PRR16: variants seen among roughly 807,000 people sequenced by gnomAD.
PRR16 encodes the protein protein Largen.
Under a neutral mutation model 18.2 loss-of-function variants are expected in PRR16, and 6 were observed. The ratio of observed to expected loss-of-function variants is 0.33; its 90% CI spans 0.18 to 0.65. The LOEUF (loss-of-function observed/expected upper bound fraction) is 0.65, where lower values mean the gene tolerates loss of function less well. Among genes scored for constraint, PRR16 ranks in the 30% least tolerant of loss-of-function variants. The pLI is 0.74. For missense variants in PRR16, 412 were observed against 376.6 expected, an observed-to-expected ratio of 1.09 and a Z score of -0.78; for synonymous variants, 151 against 147.8, an observed-to-expected ratio of 1.02 and a Z score of -0.16.
At chr5:120,629,198 T>A (rs1313579661) in intron 1 of PRR16, among the ~76,000 whole-genome samples, 1 of 152,090 alleles carries the variant, frequency 6.6e-6, no homozygotes, top group East Asian at 1.9e-4. Flanking sequence ...CCTTTGAGAT[T>A]TGCAAAGGAC....
At chr5:120,584,788 G>T (rs1453000530) in intron 1 of PRR16, among the ~76,000 whole-genome samples, 1 of 152,138 alleles carries the variant, frequency 6.6e-6, no homozygotes, top group Non-Finnish European at 1.5e-5. Flanking sequence ...GTAGTCGTCT[G>T]TGTTTAAGAG....
the PRR16 span, among the ~76,000 whole-genome samples, chr5:120,769,090 A>ATT: frequency 8.4e-4 from 125 of 149,300 alleles, no homozygotes; most frequent in Admixed American, 1.7e-3. Context: ...TCATGCCTTT[A>ATT]TTTTTTTTTT....
chr5:120,737,654 T>TAAAAAAAAAAA, the PRR16 span, among the ~76,000 whole-genome samples: 3 of 151,780 alleles, frequency 2.0e-5, no homozygotes, highest in East Asian at 5.8e-4. Flanking sequence ...TTTTTTTTTT[T>TAAAAAAAAAAA]GGAAGAGTTT....
intron 1 of PRR16, among the ~76,000 whole-genome samples, chr5:120,537,966 C>T (rs1343938622): frequency 1.3e-5 from 2 of 151,188 alleles, no homozygotes; most frequent in African/African-American, 4.9e-5. Flanking sequence ...TTAGTAGAGA[C>T]GGGGTTTCAC....
At chr5:120,515,634 G>GA (rs1336828266) in intron 1 of PRR16, among the ~76,000 whole-genome samples, 2 of 151,844 alleles carry the variant, frequency 1.3e-5, no homozygotes, top group Non-Finnish European at 2.9e-5. Context: ...CTTACTCACT[G>GA]AAAAAAACCC....
intron 1 of PRR16, among the ~76,000 whole-genome samples, chr5:120,573,929 T>C (rs1752985059): frequency 6.6e-6 from 1 of 151,790 alleles, no homozygotes; most frequent in Non-Finnish European, 1.5e-5. Flanking sequence ...CAAACACCAT[T>C]TAGTATAGCA....
At chr5:120,770,946 TCTCTCACA>T in the PRR16 span, among the ~76,000 whole-genome samples, 1 of 150,152 alleles carries the variant, frequency 6.7e-6, no homozygotes, top group Non-Finnish European at 1.5e-5. Flanking sequence ...TCTCTCTCTC[TCTCTCACA>T]CACACACACA....
chr5:120,532,736 A>T (rs933938061), intron 1 of PRR16, among the ~76,000 whole-genome samples: 28 of 150,350 alleles, frequency 1.9e-4, no homozygotes, highest in Non-Finnish European at 2.8e-4. Context: ...TTTATTGGAA[A>T]TTTTTTTTTT....
intron 1 of PRR16, among the ~76,000 whole-genome samples, chr5:120,685,150 G>A (rs941766673): frequency 3.9e-5 from 6 of 152,174 alleles, no homozygotes; most frequent in African/African-American, 1.4e-4. Flanking sequence ...CACCAGTAAA[G>A]GTTCTGCTTT....
intron 1 of PRR16, among the ~76,000 whole-genome samples, chr5:120,507,202 G>A (rs1256845821): frequency 6.6e-6 from 1 of 152,040 alleles, no homozygotes; most frequent in African/African-American, 2.4e-5. Flanking sequence ...CACAAATGCA[G>A]TTTGTATGAG....
At chr5:120,764,439 G>A in the PRR16 span, among the ~76,000 whole-genome samples, 1 of 151,266 alleles carries the variant, frequency 6.6e-6, no homozygotes, top group African/African-American at 2.4e-5. Context: ...TTTTTTTAAT[G>A]TGCTCTTGGG....
the PRR16 span, among the ~76,000 whole-genome samples, chr5:120,762,769 G>A: frequency 6.6e-6 from 1 of 152,088 alleles, no homozygotes; most frequent in Non-Finnish European, 1.5e-5. Context: ...TTGTGCAGAG[G>A]CATTTAATTT....
the PRR16 span, among the ~76,000 whole-genome samples, chr5:120,784,654 G>A: frequency 2.0e-5 from 3 of 152,124 alleles, no homozygotes; most frequent in Admixed American, 1.3e-4. Context: ...ATTTCTCAAA[G>A]ACGAAATACC....
chr5:120,752,261 T>C, the PRR16 span, among the ~76,000 whole-genome samples: 3 of 152,094 alleles, frequency 2.0e-5, no homozygotes, highest in African/African-American at 7.2e-5. Flanking sequence ...AAGACCCATG[T>C]GAAATAAGCT....
the PRR16 span, among the ~76,000 whole-genome samples, chr5:120,725,705 A>G: frequency 6.6e-6 from 1 of 152,136 alleles, no homozygotes; most frequent in Non-Finnish European, 1.5e-5. Context: ...GTAGTTCTCA[A>G]CTGTTTATAC....
the PRR16 span, among the ~76,000 whole-genome samples, chr5:120,700,393 C>T: frequency 2.0e-5 from 3 of 151,790 alleles, no homozygotes; most frequent in Middle Eastern, 3.2e-3. Flanking sequence ...GGTGCATGAT[C>T]GGTCGCCAAG....
chr5:120,780,786 C>G, the PRR16 span, among the ~76,000 whole-genome samples: 2 of 152,156 alleles, frequency 1.3e-5, no homozygotes, highest in African/African-American at 4.8e-5. Flanking sequence ...CGGGCGGGCT[C>G]AAGCCTGTAA....
At chr5:120,740,993 A>G in the PRR16 span, among the ~76,000 whole-genome samples, 3 of 151,902 alleles carry the variant, frequency 2.0e-5, no homozygotes, top group African/African-American at 7.3e-5. Flanking sequence ...ACCTCAATGT[A>G]TTTAATTTTT....
At chr5:120,763,480 T>C in the PRR16 span, among the ~76,000 whole-genome samples, 2 of 152,154 alleles carry the variant, frequency 1.3e-5, no homozygotes, top group African/African-American at 4.8e-5. Context: ...TTTTCCAAGG[T>C]AAGGTAATGT....
Sources: gnomAD v4.1 joint callset for allele counts (sites outside exome capture counted in the v4.1 genomes callset) on GRCh38, gnomAD v4.1.1 for gene constraint, MANE v1.5 for transcripts, NCBI Gene and HGNC (gene_info 2026-07-23, HGNC 2026-07-21) for gene names.